LOC128462377: variants seen among roughly 807,000 people sequenced by gnomAD.
At chr16:89,390,383 G>C in the LOC128462377 span, among the ~76,000 whole-genome samples, 2 of 152,092 alleles carry the variant, frequency 1.3e-5, no homozygotes, top group Admixed American at 1.3e-4. Context: ...AGAGAGAGAA[G>C]ATCACTGGAT....
the LOC128462377 span, among the ~76,000 whole-genome samples, chr16:89,390,299 G>A: frequency 4.1e-5 from 6 of 146,554 alleles, no homozygotes; most frequent in African/African-American, 1.3e-4. Flanking sequence ...TCACTGGGGC[G>A]AACACCGAGT....
At chr16:89,413,942 CA>C in the LOC128462377 span, among the ~76,000 whole-genome samples, 1 of 152,152 alleles carries the variant, frequency 6.6e-6, no homozygotes, top group Non-Finnish European at 1.5e-5. Flanking sequence ...CCTGGCCACC[CA>C]GACAGGGACC....
chr16:89,365,587 C>T, the LOC128462377 span, among the ~76,000 whole-genome samples: 7 of 152,148 alleles, frequency 4.6e-5, no homozygotes, highest in African/African-American at 1.7e-4. Context: ...TTGTGTATGC[C>T]TTAATAATTG....
the LOC128462377 span, among the ~76,000 whole-genome samples, chr16:89,417,074 C>T: frequency 6.6e-6 from 1 of 152,180 alleles, no homozygotes; most frequent in Admixed American, 6.5e-5. Context: ...CAATTCTAGA[C>T]CTATTTTCAA....
chr16:89,401,665 T>G, the LOC128462377 span, among the ~76,000 whole-genome samples: 1 of 152,148 alleles, frequency 6.6e-6, no homozygotes, highest in Non-Finnish European at 1.5e-5. Flanking sequence ...CCACAGACGA[T>G]GGCCTTCCTG....
At chr16:89,338,276 G>C in the LOC128462377 span, among the ~76,000 whole-genome samples, 1 of 152,110 alleles carries the variant, frequency 6.6e-6, no homozygotes. Flanking sequence ...GTGTCCTCCA[G>C]GATGTGGGTC....
chr16:89,322,146 C>T, the LOC128462377 span, among the ~76,000 whole-genome samples: 1 of 152,212 alleles, frequency 6.6e-6, no homozygotes, highest in Non-Finnish European at 1.5e-5. Context: ...TTCAACTGCA[C>T]AGGAGGCTGG....
At chr16:89,380,454 G>A in the LOC128462377 span, among the ~76,000 whole-genome samples, 1 of 152,142 alleles carries the variant, frequency 6.6e-6, no homozygotes, top group Non-Finnish European at 1.5e-5. Context: ...GTGGATTAGA[G>A]CTCCCTGAGC....
chr16:89,327,891 T>C, the LOC128462377 span, among the ~76,000 whole-genome samples: 1 of 152,046 alleles, frequency 6.6e-6, no homozygotes, highest in African/African-American at 2.4e-5. Context: ...ATAAACGACC[T>C]CGACAAAATT....
the LOC128462377 span, among the ~76,000 whole-genome samples, chr16:89,408,768 A>C: frequency 6.6e-6 from 1 of 152,218 alleles, no homozygotes; most frequent in Non-Finnish European, 1.5e-5. Context: ...CCTGAATTCA[A>C]ACCCTACTTC....
chr16:89,334,899 C>T, the LOC128462377 span, among the ~76,000 whole-genome samples: 1 of 152,096 alleles, frequency 6.6e-6, no homozygotes, highest in Non-Finnish European at 1.5e-5. Context: ...TCTGCTGTGG[C>T]CTTCTGCATG....
At chr16:89,321,433 C>A in the LOC128462377 span, among the ~76,000 whole-genome samples, 1 of 74,758 alleles carries the variant, frequency 1.3e-5, no homozygotes, top group South Asian at 4.2e-4. Context: ...GCGGGGCCTG[C>A]AGGGCAGGGT....
chr16:89,404,691 C>T, the LOC128462377 span, among the ~76,000 whole-genome samples: 2 of 152,246 alleles, frequency 1.3e-5, no homozygotes, highest in African/African-American at 4.8e-5. Context: ...GTGGCATGTT[C>T]AACCTTCCTA....
At chr16:89,351,472 C>A in the LOC128462377 span, among the ~76,000 whole-genome samples, 9 of 152,212 alleles carry the variant, frequency 5.9e-5, no homozygotes, top group Non-Finnish European at 7.3e-5. Flanking sequence ...CACCAAATAA[C>A]TGATTCTCAT....
chr16:89,333,432 C>T, the LOC128462377 span, among the ~76,000 whole-genome samples: 42 of 152,288 alleles, frequency 2.8e-4, no homozygotes, highest in East Asian at 1.4e-3. Flanking sequence ...TATGGTTGGA[C>T]GAACGTATCC....
the LOC128462377 span, among the ~76,000 whole-genome samples, chr16:89,380,401 T>G: frequency 6.6e-6 from 1 of 152,166 alleles, no homozygotes; most frequent in Non-Finnish European, 1.5e-5. Context: ...TGTGAGCCAC[T>G]GTGCCCAGCC....
At chr16:89,406,685 GAGGA>G in the LOC128462377 span, among the ~76,000 whole-genome samples, 1 of 152,186 alleles carries the variant, frequency 6.6e-6, no homozygotes, top group African/African-American at 2.4e-5. Flanking sequence ...CATCTGCCTG[GAGGA>G]AGGAAGGACA....
chr16:89,340,136 A>C, the LOC128462377 span, among the ~76,000 whole-genome samples: 1 of 152,232 alleles, frequency 6.6e-6, no homozygotes, highest in Non-Finnish European at 1.5e-5. Flanking sequence ...TACATATCTA[A>C]AGTTTATAAC....
chr16:89,412,427 A>G, the LOC128462377 span: 1 of 152,774 alleles, frequency 6.5e-6, no homozygotes, highest in Admixed American at 6.5e-5. Flanking sequence ...GCCACACCGG[A>G]CCCTCCATCT....
Sources: allele counts gnomAD v4.1 joint callset (sites outside exome capture counted in the v4.1 genomes callset), GRCh38; gene constraint gnomAD v4.1.1; transcripts MANE v1.5.